CSMD3: variants seen among roughly 807,000 people sequenced by gnomAD.
CSMD3 encodes CUB and Sushi multiple domains 3.
In CSMD3, 177 loss-of-function variants were observed where a neutral mutation model predicts 435.2. That is an observed-to-expected ratio of 0.41 (90% CI 0.36 to 0.46). The LOEUF (loss-of-function observed/expected upper bound fraction) is 0.46, where lower values mean the gene tolerates loss of function less well. CSMD3 is among the 20% of genes least tolerant of loss of function. The pLI is 0.34. For synonymous variants in CSMD3, 1,656 were observed against 1,520.5 expected (o/e 1.09, Z -2.07); for missense variants, 4,265 against 4,504.6 (o/e 0.95, Z 1.52).
intron 37 of CSMD3, among the ~76,000 whole-genome samples, chr8:112,382,040 G>T (rs1829506524): frequency 6.6e-6 from 1 of 152,040 alleles, no homozygotes; most frequent in Non-Finnish European, 1.5e-5. Flanking sequence ...TAATCAGGAG[G>T]CTGTAAGACA....
chr8:113,008,098 G>T (rs1177825052), intron 6 of CSMD3, among the ~76,000 whole-genome samples: 2 of 151,616 alleles, frequency 1.3e-5, no homozygotes, highest in Non-Finnish European at 2.9e-5. Flanking sequence ...AAAAAAAAGA[G>T]AAATTAGCTT....
intron 4 of CSMD3, among the ~76,000 whole-genome samples, chr8:113,117,999 T>C (rs958579387): frequency 6.6e-6 from 1 of 152,176 alleles, no homozygotes; most frequent in Non-Finnish European, 1.5e-5. Context: ...GATTAGACCT[T>C]GGAATCGGAC....
chr8:112,622,029 A>C (rs528134752), intron 22 of CSMD3, among the ~76,000 whole-genome samples: 1 of 152,316 alleles, frequency 6.6e-6, no homozygotes, highest in Non-Finnish European at 1.5e-5. Context: ...TCTAGCTAGC[A>C]TATAAAAGCA....
At chr8:112,446,233 T>C (rs1244583080) in intron 32 of CSMD3, among the ~76,000 whole-genome samples, 1 of 152,212 alleles carries the variant, frequency 6.6e-6, no homozygotes, top group Non-Finnish European at 1.5e-5. Flanking sequence ...CCTGATTGCA[T>C]GCCCAGTGAC....
intron 41 of CSMD3, among the ~76,000 whole-genome samples, chr8:112,342,987 T>TTA (rs1169036495): frequency 0.018 from 837 of 47,108 alleles, 13 homozygotes; most frequent in African/African-American, 0.032. Flanking sequence ...ATATATATAT[T>TTA]TATATATATA....
At chr8:112,478,751 A>G (rs1819329142) in intron 31 of CSMD3, among the ~76,000 whole-genome samples, 1 of 152,142 alleles carries the variant, frequency 6.6e-6, no homozygotes, top group Non-Finnish European at 1.5e-5. Context: ...GAAAGACCAG[A>G]CTGCTGGTCC....
intron 29 of CSMD3, among the ~76,000 whole-genome samples, chr8:112,504,231 A>C (rs549188114): frequency 1.2e-3 from 176 of 152,242 alleles, no homozygotes; most frequent in Admixed American, 3.9e-3. Flanking sequence ...TGCAGAGGAA[A>C]TATAAGTGAT....
chr8:112,725,341 G>C (rs73702203), intron 13 of CSMD3, among the ~76,000 whole-genome samples: 1,703 of 152,000 alleles, frequency 0.011, 34 homozygotes, highest in African/African-American at 0.039. Context: ...TGCGACTTCA[G>C]TTATATTAAC....
chr8:112,909,500 A>C (rs2082349644), intron 10 of CSMD3, among the ~76,000 whole-genome samples: 1 of 151,872 alleles, frequency 6.6e-6, no homozygotes, highest in South Asian at 2.1e-4. Context: ...TACAAAAGGA[A>C]AGGGATGTAT....
At chr8:112,776,016 C>A (rs1353733774) in intron 13 of CSMD3, among the ~76,000 whole-genome samples, 1 of 151,554 alleles carries the variant, frequency 6.6e-6, no homozygotes, top group African/African-American at 2.4e-5. Context: ...AAAAGGTGCC[C>A]AAAAAAATGT....
At chr8:113,069,772 G>A (rs768262339) in intron 5 of CSMD3, among the ~76,000 whole-genome samples, 1 of 152,062 alleles carries the variant, frequency 6.6e-6, no homozygotes, top group Non-Finnish European at 1.5e-5. Flanking sequence ...ACAGAGTACG[G>A]GTAGAAGACA....
At chr8:113,350,942 G>C (rs949542148) in intron 1 of CSMD3, among the ~76,000 whole-genome samples, 1 of 151,504 alleles carries the variant, frequency 6.6e-6, no homozygotes, top group African/African-American at 2.4e-5. Flanking sequence ...ATGTTCTTTA[G>C]ATCTAATTTC....
chr8:112,369,730 C>G (rs56327729), intron 38 of CSMD3, among the ~76,000 whole-genome samples: 65,343 of 151,264 alleles, frequency 0.43, 14,669 homozygotes, highest in Middle Eastern at 0.54. Context: ...GGTGCAAGGG[C>G]AGGGAGAGCA....
intron 32 of CSMD3, among the ~76,000 whole-genome samples, chr8:112,421,658 A>C (rs1812521990): frequency 6.8e-6 from 1 of 147,742 alleles, no homozygotes; most frequent in Admixed American, 6.8e-5. Flanking sequence ...GTATATATGT[A>C]ATATGTTATA....
At chr8:112,840,980 A>G (rs768825789) in intron 11 of CSMD3, among the ~76,000 whole-genome samples, 43 of 151,648 alleles carry the variant, frequency 2.8e-4, no homozygotes, top group Non-Finnish European at 4.1e-4. Flanking sequence ...AATTTAAAAA[A>G]TATATAATAA....
intron 11 of CSMD3, among the ~76,000 whole-genome samples, chr8:112,848,612 C>T (rs545781498): frequency 1.3e-5 from 2 of 152,130 alleles, no homozygotes; most frequent in Admixed American, 1.3e-4. Context: ...ATTCCTTAAA[C>T]TTACAAGGTA....
intron 66 of CSMD3, among the ~76,000 whole-genome samples, chr8:112,238,037 T>C (rs1253007550): frequency 1.3e-5 from 2 of 152,086 alleles, no homozygotes; most frequent in Non-Finnish European, 2.9e-5. Flanking sequence ...AACACTATTT[T>C]AGATACTAGC....
At chr8:112,859,750 T>TAAA (rs556086727) in intron 10 of CSMD3, among the ~76,000 whole-genome samples, 1 of 146,286 alleles carries the variant, frequency 6.8e-6, no homozygotes. Flanking sequence ...GAACTCAGAC[T>TAAA]AAAAAAAAAA....
Position 112,295,881 on chromosome 8 carries a change from T to C in CSMD3, c.8566A>G (p.Ile2856Val), listed in dbSNP as rs756923059. The change falls in exon 54 of 71, where the codon ATA (isoleucine) becomes GTA (valine). Residue 2856 changes from isoleucine (I) to valine (V), a missense_variant. Physicochemically the swap from Ile to Val is conservative, Grantham distance 29 (BLOSUM62 3). Around this residue, in one of 3 missense-constraint regions of CSMD3, gnomAD observed 3,255 missense variants for 3,380.2 expected, o/e 0.96. Coordinates refer to ENST00000297405, the MANE Select transcript of CSMD3 (RefSeq NM_198123.2). ...GFRLIGSSVR[I>V]CQQDHNWSGQ... The stretch of plus-strand genomic sequence containing the variant: ...GACCAATTGTGATCCTGTTGACATA[T>C]CCTCACTGAAGAACCAATCAATCGA... The C allele has an allele frequency of 5.0e-6, 8 of 1,613,882 alleles. No individual in the cohort carries two copies. Among genetic ancestry groups the C allele is most frequent in the African/African-American group, 2.7e-5 (2 of 74,888 alleles).
Sources: allele counts gnomAD v4.1 joint callset (sites outside exome capture counted in the v4.1 genomes callset), GRCh38; gene constraint gnomAD v4.1.1; regional missense constraint gnomAD v4.1.1; transcripts MANE v1.5; gene names NCBI Gene and HGNC (gene_info 2026-07-23, HGNC 2026-07-21).